Variants in INTS13 observed in about 807,000 individuals in gnomAD.
INTS13 encodes integrator complex subunit 13.
Under a neutral mutation model 90.2 loss-of-function variants are expected in INTS13, and 35 were observed. The ratio of observed to expected loss-of-function variants is 0.39; its 90% CI spans 0.30 to 0.51. INTS13 has a LOEUF of 0.51. Among genes scored for constraint, INTS13 ranks in the 20% least tolerant of loss-of-function variants. The probability of loss-of-function intolerance (pLI) is 0.80; values close to 1 mark genes in which losing one functional copy is unlikely to be tolerated. For missense variants in INTS13, 601 were observed against 851.2 expected (o/e 0.71, Z 3.66); for synonymous variants, 309 against 277.1 (o/e 1.11, Z -1.14).
intron 5 of INTS13, 134 bp downstream of exon 5, chr12:26,928,071 A>T (rs2137534605): frequency 1.8e-6 from 1 of 550,894 alleles, no homozygotes; most frequent in East Asian, 3.0e-5. Context: ...TTTCTGATCA[A>T]ACATACATTT....
chr12:26,916,294 C>G (rs1490920963), intron 10 of INTS13, 114 bp from the exon 11 acceptor site: 3 of 950,952 alleles, frequency 3.2e-6, no homozygotes, highest in Non-Finnish European at 3.0e-6. Flanking sequence ...CGTATTTTAA[C>G]CAGCATTGCT....
intron 2 of INTS13, 24 bp from the exon 3 acceptor site, chr12:26,934,654 T>C (rs1449998095): frequency 2.6e-6 from 4 of 1,540,844 alleles, no homozygotes; most frequent in Non-Finnish European, 3.6e-6. Flanking sequence ...AAGAAACAAT[T>C]AGTATTCAAC....
intron 16 of INTS13, 51 bp downstream of exon 16, chr12:26,906,251 G>A: frequency 1.3e-6 from 2 of 1,510,124 alleles, no homozygotes; most frequent in African/African-American, 2.8e-5. Flanking sequence ...GATTGTTAAG[G>A]TACTATACAG....
At position 26,928,749 on chromosome 12, in the gene INTS13, G is replaced by A. The variant is rs761072271; in HGVS notation, c.457C>T (p.Arg153Cys). The change falls in exon 4 of 17, where the codon CGT becomes TGT. Residue 153 changes from arginine (R) to cysteine (C), a missense_variant. Arg to Cys is a radical substitution (Grantham distance 180). Transcript: ENST00000261191. ...ATTATTCGTCCTCTATTTCCAACAC[G>A]TTCTGCATTCTCCATGAGTAGAGTA... ...ARTLLMENAERVGNRGRIICI... is the reference protein window; with the variant it reads ...ARTLLMENAECVGNRGRIICI... 13 of 1,613,848 alleles carry A rather than the reference G, an allele frequency of 8.1e-6. No individual in the cohort carries two copies. Among genetic ancestry groups the A allele is most frequent in the South Asian group, 3.3e-5 (3 of 91,088 alleles).
chr12:26,922,804 A>C, intron 7 of INTS13, 104 bp from the exon 8 acceptor site: 1 of 608,598 alleles, frequency 1.6e-6, no homozygotes, highest in South Asian at 2.6e-5. Flanking sequence ...GGGCAAATAC[A>C]TTCAATAATA....
At chr12:26,919,025 G>C in intron 8 of INTS13, 1 of 396,972 alleles carries the variant, frequency 2.5e-6, no homozygotes, top group Non-Finnish European at 5.2e-6. Flanking sequence ...AATTAGCCAG[G>C]CTTCGTGGTA....
intron 5 of INTS13, among the ~76,000 whole-genome samples, chr12:26,926,278 A>G (rs1057078270): frequency 5.9e-5 from 9 of 152,206 alleles, no homozygotes; most frequent in Non-Finnish European, 1.0e-4. Flanking sequence ...AATTTCCCCC[A>G]ACTTTTTATT....
intron 5 of INTS13, among the ~76,000 whole-genome samples, chr12:26,926,489 C>T (rs886067218): frequency 6.6e-6 from 1 of 152,192 alleles, no homozygotes; most frequent in African/African-American, 2.4e-5. Context: ...CAGCCTGCTT[C>T]GCCTAGTGAG....
intron 6 of INTS13, 117 bp from the exon 7 acceptor site, chr12:26,924,600 GA>G: frequency 5.1e-5 from 56 of 1,094,994 alleles, no homozygotes; most frequent in Non-Finnish European, 6.0e-5. Context: ...TTAGAAGTTG[GA>G]AAAAAAGGAT....
intron 5 of INTS13, among the ~76,000 whole-genome samples, chr12:26,927,111 C>A (rs1170201661): frequency 2.6e-5 from 4 of 152,258 alleles, no homozygotes; most frequent in South Asian, 4.1e-4. Flanking sequence ...TCACCCACTT[C>A]ATGTGTCTGT....
At chr12:26,916,242 T>C in intron 10 of INTS13, 62 bp from the exon 11 acceptor site, 1 of 1,359,538 alleles carries the variant, frequency 7.4e-7, no homozygotes, top group Non-Finnish European at 9.9e-7. Context: ...TTTATTTCCT[T>C]GAGATTTATG....
At chr12:26,922,588 C>A in intron 8 of INTS13, 28 bp downstream of exon 8, 3 of 1,527,772 alleles carry the variant, frequency 2.0e-6, no homozygotes, top group Non-Finnish European at 1.8e-6. Flanking sequence ...TTAGATCATA[C>A]AAAATAATAC....
chr12:26,919,780 G>A (rs756461249), intron 8 of INTS13, among the ~76,000 whole-genome samples: 2 of 152,108 alleles, frequency 1.3e-5, no homozygotes, highest in Non-Finnish European at 2.9e-5. Flanking sequence ...GCATGTTGAA[G>A]TGTAGGTGAC....
At chr12:26,912,386 G>C (rs1258791340) in intron 14 of INTS13, among the ~76,000 whole-genome samples, 1 of 152,080 alleles carries the variant, frequency 6.6e-6, no homozygotes, top group Non-Finnish European at 1.5e-5. Flanking sequence ...GCAGTGAGTC[G>C]AGATCATGCC....
At chr12:26,923,330 T>A (rs1178793834) in intron 7 of INTS13, among the ~76,000 whole-genome samples, 1 of 152,190 alleles carries the variant, frequency 6.6e-6, no homozygotes, top group Non-Finnish European at 1.5e-5. Flanking sequence ...GTACCTATTA[T>A]GTTATTTACT....
chr12:26,924,383 G>A lies in INTS13; in HGVS notation c.776C>T (p.Ser259Leu). The A allele has an allele frequency of 6.2e-7, 1 of 1,612,858 alleles. No individual in the cohort carries two copies. Among genetic ancestry groups the A allele is most frequent in the Non-Finnish European group, 8.5e-7 (1 of 1,179,338 alleles). The change falls in exon 7 of 17, where the codon TCA becomes TTA. Residue 259 changes from serine (S) to leucine (L), a missense_variant. Coordinates refer to ENST00000261191, the MANE Select transcript of INTS13 (RefSeq NM_018164.3). ...CATTGGAATATTTGTAATAGTAGTT[G>A]AAGCCAAGTCAAAATGTTGCTGTAC... ...ILVQQHFDLA[S>L]TTITNIPMKE...
At chr12:26,933,137 C>CA (rs902477963) in intron 3 of INTS13, among the ~76,000 whole-genome samples, 7 of 152,042 alleles carry the variant, frequency 4.6e-5, no homozygotes, top group Admixed American at 3.9e-4. Flanking sequence ...AAAGTACAAT[C>CA]AAATAGAGAG....
At chr12:26,923,144 A>T (rs1937677563) in intron 7 of INTS13, among the ~76,000 whole-genome samples, 1 of 152,164 alleles carries the variant, frequency 6.6e-6, no homozygotes, top group Non-Finnish European at 1.5e-5. Flanking sequence ...ATAAACTAAT[A>T]AACAAGTTTA....
At chr12:26,912,420 G>C (rs1452377241) in intron 14 of INTS13, among the ~76,000 whole-genome samples, 2 of 152,166 alleles carry the variant, frequency 1.3e-5, no homozygotes, top group Non-Finnish European at 2.9e-5. Context: ...CTGGGTGATA[G>C]AGCGAGACTC....
Sources: gnomAD v4.1 joint callset for allele counts (sites outside exome capture counted in the v4.1 genomes callset) on GRCh38, gnomAD v4.1.1 for gene constraint, MANE v1.5 for transcripts, NCBI Gene and HGNC (gene_info 2026-07-23, HGNC 2026-07-21) for gene names.